The following SH3TC2 variants were observed in gnomAD, a reference collection of about 807,000 sequenced individuals.
SH3TC2 encodes the protein SH3 domain and tetratricopeptide repeat-containing protein 2.
A neutral mutation model predicts 124.5 loss-of-function variants in SH3TC2; 87 were observed. That is an observed-to-expected ratio of 0.70 (90% CI 0.59 to 0.84). The LOEUF (loss-of-function observed/expected upper bound fraction) is 0.84. SH3TC2 is among the 40% of genes least tolerant of loss of function. The pLI, the probability that SH3TC2 is intolerant of heterozygous loss-of-function variation, is 0.00. For synonymous variants in SH3TC2, 634 were observed against 628.5 expected, an observed-to-expected ratio of 1.01 and a Z score of -0.13; for missense variants, 1,536 against 1,566.4, an observed-to-expected ratio of 0.98 and a Z score of 0.33.
intron 1 of SH3TC2, among the ~76,000 whole-genome samples, chr5:149,059,257 A>G (rs1045264561): frequency 3.3e-5 from 5 of 152,090 alleles, no homozygotes; most frequent in Non-Finnish European, 7.4e-5. Flanking sequence ...GGCCATCCAA[A>G]TCAATGGGTA....
At chr5:149,057,458 G>A (rs1431946881) in intron 1 of SH3TC2, 2 of 152,046 alleles carry the variant, frequency 1.3e-5, no homozygotes, top group Admixed American at 6.6e-5. Flanking sequence ...AGGATATGCA[G>A]GTTTATTATA....
intron 9 of SH3TC2, 138 bp downstream of exon 9, chr5:149,031,416 C>T (rs1364033119): frequency 3.6e-6 from 4 of 1,110,254 alleles, no homozygotes; most frequent in African/African-American, 3.1e-5. Context: ...TGATTCAGGT[C>T]GTCAACAGAA....
intron 1 of SH3TC2, among the ~76,000 whole-genome samples, chr5:149,052,448 G>A (rs1011458576): frequency 1.3e-5 from 2 of 152,174 alleles, no homozygotes; most frequent in African/African-American, 4.8e-5. Context: ...GCAGCAGCCT[G>A]GGTATGCCCA....
chr5:149,005,901 A>G (rs540871375), intron 16 of SH3TC2, among the ~76,000 whole-genome samples: 10 of 152,096 alleles, frequency 6.6e-5, no homozygotes, highest in African/African-American at 2.4e-4. Context: ...TCCTAGGGAC[A>G]CAGTTTGGGG....
In SH3TC2 at chr5:149,047,949, C is replaced by A. The variant is rs571440448; in HGVS notation, c.192G>T (p.Arg64Ser). ...CTTCCTGTAGGGGTCCATTTACACA[C>A]CTCCTGGAGCGGCTCTTTACACAGA... ...LSFCVKSRSR[R>S]CVNGPLQEAA... The change falls in exon 3 of 17, where the codon AGG becomes AGT. Residue 64 changes from arginine to serine, a missense_variant. This residue lies in a region of SH3TC2 where 1,102 missense variants were observed against 1,098.6 expected (regional missense o/e 1.00). Transcript: ENST00000515425. The A allele has an allele frequency of 3.3e-5, 53 of 1,614,130 alleles. No homozygotes were observed. In the South Asian group the frequency reaches 5.1e-4, roughly 15 times the overall value.
At chr5:149,016,591 C>G (rs959977506) in intron 12 of SH3TC2, among the ~76,000 whole-genome samples, 1 of 152,138 alleles carries the variant, frequency 6.6e-6, no homozygotes, top group Non-Finnish European at 1.5e-5. Flanking sequence ...AAACGTAGCA[C>G]TTTTTTCAGT....
At chr5:149,049,774 C>A (rs538094515) in intron 2 of SH3TC2, among the ~76,000 whole-genome samples, 1 of 151,884 alleles carries the variant, frequency 6.6e-6, no homozygotes, top group South Asian at 2.1e-4. Flanking sequence ...CGGAGCAAGA[C>A]CCTGTCTCAA....
chr5:148,987,299 A>C lies in SH3TC2; in HGVS notation c.*17412T>G, dbSNP rs1221686847. On this transcript the variant is annotated 3_prime_UTR_variant, in exon 17 of 17. Transcript: ENST00000515425. ...GAATGTTCAGGAATATTCTCATTGG[A>C]TTGCAAGTGCCAAGAGGACAAGAAC... Among the ~76,000 whole-genome samples the C allele has an allele frequency of 1.3e-5, 2 of 152,346 alleles. No individual in the cohort carries two copies. The highest frequency in any genetic ancestry group is 2.9e-5 in the Non-Finnish European group (2 of 68,024).
Position 149,047,962 on chromosome 5 carries a change from C to T in SH3TC2, c.179G>A (p.Ser60Asn), listed in dbSNP as rs1436597179. 8.7e-6 allele frequency: 14 copies of T among 1,613,986 alleles called. No individual in the cohort carries two copies. The highest frequency in any genetic ancestry group is 1.2e-5 in the Non-Finnish European group (14 of 1,180,018). The change falls in exon 3 of 17, where the codon AGC (serine) becomes AAC (asparagine). Residue 60 changes from serine to asparagine, a missense_variant. By Grantham distance (46) the Ser-to-Asn change is conservative. Around this residue, in one of 3 missense-constraint regions of SH3TC2, gnomAD observed 1,102 missense variants for 1,098.6 expected, o/e 1.00. Transcript: ENST00000515425. ...TCCATTTACACACCTCCTGGAGCGG[C>T]TCTTTACACAGAAGGAGAGTGTCAG... The part of the protein sequence containing the change: ...PDLTLSFCVK[S>N]RSRRCVNGPL...
Position 149,026,599 on chromosome 5 carries a change from T to G in SH3TC2, c.3026A>C (p.Gln1009Pro). ...GGCGGTATTTAGGTTCCGATAAAGC[T>G]GCCCCAGGGACTCCAGCAGCCTCCC... The part of the protein sequence containing the change: ...MEGRLLESLG[Q>P]LYRNLNTARS... Residue 1009 changes from glutamine to proline, a missense_variant, in exon 12 of 17, where the codon CAG becomes CCG. This residue lies in a region of SH3TC2 where 426 missense variants were observed against 443.5 expected (regional missense o/e 0.96). Coordinates refer to ENST00000515425, the MANE Select transcript of SH3TC2 (RefSeq NM_024577.4). 6.2e-7 allele frequency: 1 copy of G among 1,614,182 alleles called. No individual in the cohort carries two copies. The highest frequency in any genetic ancestry group is 8.5e-7 in the Non-Finnish European group (1 of 1,180,034).
chr5:149,061,023 T>C (rs1754737356), intron 1 of SH3TC2, among the ~76,000 whole-genome samples: 1 of 152,016 alleles, frequency 6.6e-6, no homozygotes, highest in South Asian at 2.1e-4. Context: ...AACACCAATA[T>C]CAACCTCGCT....
At chr5:149,045,241 A>G (rs1754439082) in intron 3 of SH3TC2, 1 of 152,378 alleles carries the variant, frequency 6.6e-6, no homozygotes. Flanking sequence ...ATCACATTGC[A>G]TAAATTATTT....
intron 13 of SH3TC2, among the ~76,000 whole-genome samples, chr5:149,011,552 T>C (rs1369811674): frequency 6.6e-6 from 1 of 152,230 alleles, no homozygotes; most frequent in Non-Finnish European, 1.5e-5. Context: ...GGCAAATTAC[T>C]CAGCCTCTCT....
rs1753466986 is a variant in SH3TC2 at position 148,994,239 on chromosome 5, T to C, written c.*10472A>G. 6.6e-6 allele frequency among the ~76,000 whole-genome samples: 1 copy of C among 152,210 alleles called. No homozygotes were observed. Among genetic ancestry groups the C allele is most frequent in the Non-Finnish European group, 1.5e-5 (1 of 68,048 alleles). On this transcript the variant is annotated 3_prime_UTR_variant, in exon 17 of 17. Coordinates refer to ENST00000515425, the MANE Select transcript of SH3TC2 (RefSeq NM_024577.4). ...AGCTGCCACTCTCTATCTACAGGAC[T>C]TTGGGTAAGATTAATCTCTTAACCT... is the stretch of plus-strand genomic sequence containing the variant.
Position 149,027,476 on chromosome 5 carries a change from G to A in SH3TC2, c.2256C>T (p.Asp752=). The A allele has an allele frequency of 6.2e-7, 1 of 1,614,178 alleles. No homozygotes were observed. Among genetic ancestry groups the A allele is most frequent in the Non-Finnish European group, 8.5e-7 (1 of 1,180,044 alleles). ...QALAACEELA[D]RSTQRALCLI... ...GACACAGGGCCCTCTGGGTGCTCCG[G>A]TCTGCTAGTTCCTCACAGGCAGCCA... The change falls in exon 11 of 17, where the codon GAC becomes GAT. Residue 752 remains aspartate, a synonymous_variant. Transcript: ENST00000515425.
chr5:149,040,762 T>C (rs575875725), intron 6 of SH3TC2, 85 bp from the exon 7 acceptor site: 1 of 1,119,284 alleles, frequency 8.9e-7, no homozygotes, highest in Non-Finnish European at 1.4e-6. Flanking sequence ...ATAATGATGA[T>C]GATGATGAGT....
chr5:149,018,327 G>C (rs754812684), intron 12 of SH3TC2, among the ~76,000 whole-genome samples: 2 of 152,098 alleles, frequency 1.3e-5, no homozygotes, highest in Non-Finnish European at 2.9e-5. Flanking sequence ...TAGGGAAGAA[G>C]TTGAGTCTTC....
rs1230676194 is a variant in SH3TC2, at chr5:149,047,921, C to A, written c.220G>T (p.Ala74Ser). ...RCVNGPLQEA[A>S]RRRLWALENE... ...TCCAGTGCCCAGAGCCGCCTCCGAG[C>A]AGCTTCCTGTAGGGGTCCATTTACA... The change falls in exon 3 of 17, where the codon GCT (alanine) becomes TCT (serine). Residue 74 changes from alanine to serine, a missense_variant. Coordinates refer to ENST00000515425, the MANE Select transcript of SH3TC2 (RefSeq NM_024577.4). 1 of 1,614,062 alleles carries A rather than the reference C, an allele frequency of 6.2e-7. No individual in the cohort carries two copies. The highest frequency in any genetic ancestry group is 8.5e-7 in the Non-Finnish European group (1 of 1,180,032).
At chr5:149,009,027 T>C in intron 14 of SH3TC2, 26 bp from the exon 15 acceptor site, 1 of 1,613,910 alleles carries the variant, frequency 6.2e-7, no homozygotes, top group Non-Finnish European at 8.5e-7. Context: ...CAAGGAACCT[T>C]AGTCTAGCTA....
Sources: gnomAD v4.1 joint callset for allele counts (sites outside exome capture counted in the v4.1 genomes callset) on GRCh38, gnomAD v4.1.1 for gene constraint, gnomAD v4.1.1 regional missense constraint, MANE v1.5 for transcripts, NCBI Gene and HGNC (gene_info 2026-07-23, HGNC 2026-07-21) for gene names.